The following DOCK10 variants were observed in gnomAD, a reference collection of about 807,000 sequenced individuals.
DOCK10 encodes the protein dedicator of cytokinesis protein 10.
In DOCK10, 145 loss-of-function variants were observed where a neutral mutation model predicts 280.1. That is an observed-to-expected ratio of 0.52 (90% CI 0.45 to 0.59). The LOEUF (loss-of-function observed/expected upper bound fraction) is 0.59, where lower values mean the gene tolerates loss of function less well. DOCK10 is among the 20% of genes least tolerant of loss of function. The pLI, the probability that DOCK10 is intolerant of heterozygous loss-of-function variation, is 0.00. For missense variants in DOCK10, 2,368 were observed against 2,651.7 expected (o/e 0.89, Z 2.35); for synonymous variants, 915 against 942.2 (o/e 0.97, Z 0.53).
intron 55 of DOCK10, among the ~76,000 whole-genome samples, chr2:224,769,421 T>C (rs1190454808): frequency 6.6e-6 from 1 of 152,224 alleles, no homozygotes; most frequent in Non-Finnish European, 1.5e-5. Flanking sequence ...GTGGCTACCA[T>C]GTATGAAGCA....
intron 7 of DOCK10, among the ~76,000 whole-genome samples, chr2:224,881,109 C>T (rs1220835508): frequency 6.6e-6 from 1 of 152,076 alleles, no homozygotes; most frequent in African/African-American, 2.4e-5. Flanking sequence ...ACATATGTAA[C>T]ATATATATAC....
intron 6 of DOCK10, 39 bp from the exon 7 acceptor site, chr2:224,885,844 TAATGTGCTATTACTCATAGAAATTAG>T (rs779203183): frequency 1.9e-6 from 3 of 1,600,078 alleles, no homozygotes. Flanking sequence ...ATTCAAATTG[TAATGTGCTATTACTCATAGAAATTAG>T]AATTATTCTA....
At chr2:224,789,275 C>T in intron 47 of DOCK10, 105 bp from the exon 48 acceptor site, 1 of 679,092 alleles carries the variant, frequency 1.5e-6, no homozygotes, top group Non-Finnish European at 2.6e-6. Context: ...TATTACAAAG[C>T]TCACACAATC....
At chr2:224,966,628 C>T (rs886440376) in intron 1 of DOCK10, among the ~76,000 whole-genome samples, 1 of 152,190 alleles carries the variant, frequency 6.6e-6, no homozygotes, top group Non-Finnish European at 1.5e-5. Flanking sequence ...AAACTGATCA[C>T]ACAGCCTTTA....
intron 1 of DOCK10, among the ~76,000 whole-genome samples, chr2:225,007,510 C>T (rs544437381): frequency 6.6e-6 from 1 of 152,176 alleles, no homozygotes; most frequent in East Asian, 1.9e-4. Flanking sequence ...TCCTGATTTA[C>T]ATAAAAGTTA....
chr2:224,954,733 A>G (rs183371332), intron 1 of DOCK10, among the ~76,000 whole-genome samples: 1 of 152,376 alleles, frequency 6.6e-6, no homozygotes, highest in Admixed American at 6.5e-5. Flanking sequence ...CTGGATTGAT[A>G]CTGCTCTTTA....
Position 224,879,270 on chromosome 2 carries a change from G to A in DOCK10, c.748-3049C>T, listed in dbSNP as rs532094356. 3.9e-5 allele frequency among the ~76,000 whole-genome samples: 6 copies of A among 152,250 alleles called. No individual in the cohort carries two copies. In the South Asian group the frequency reaches 1.2e-3, roughly 32 times the overall value. Reference sequence around the variant, plus strand: ...ACGCCCCACTCTCCCCAGGAGGACTGGGGTAGATGTCCTCCACGTGTCCTC... The same window carrying A: ...ACGCCCCACTCTCCCCAGGAGGACTAGGGTAGATGTCCTCCACGTGTCCTC... On this transcript the variant is annotated intron_variant, in intron 7 of 55. Transcript: ENST00000258390.
At chr2:224,819,361 A>C in intron 29 of DOCK10, 85 bp downstream of exon 29, 1 of 855,262 alleles carries the variant, frequency 1.2e-6, no homozygotes, top group South Asian at 1.9e-5. Context: ...CAGAGAATGG[A>C]CTTAAGCAGG....
intron 3 of DOCK10, among the ~76,000 whole-genome samples, chr2:224,914,217 A>G (rs745380258): frequency 1.3e-4 from 20 of 152,322 alleles, no homozygotes; most frequent in Middle Eastern, 6.8e-3. Context: ...CTTAAATAAT[A>G]CTATGCACTT....
chr2:224,852,950 C>T lies in DOCK10; in HGVS notation c.2061G>A (p.Gln687=). The T allele has an allele frequency of 1.9e-6, 3 of 1,595,572 alleles. No individual in the cohort carries two copies. The highest frequency in any genetic ancestry group is 2.6e-6 in the Non-Finnish European group (3 of 1,168,714). Residue 687 remains glutamine (Q), a synonymous_variant, in exon 17 of 56, where the codon CAG becomes CAA. Transcript: ENST00000258390. ...IYPKHLKYDS[Q]KCFNKARNIT... ...TATATCATACCTTGTTGAAGCATTT[C>T]TGGCTATCATACTTGAGGTGTTTGG...
At chr2:224,988,075 C>A (rs980338268) in intron 1 of DOCK10, among the ~76,000 whole-genome samples, 1 of 152,138 alleles carries the variant, frequency 6.6e-6, no homozygotes, top group Non-Finnish European at 1.5e-5. Context: ...AGTGAACAAG[C>A]GTGATGCTGC....
intron 1 of DOCK10, among the ~76,000 whole-genome samples, chr2:225,004,777 G>A (rs1190610832): frequency 6.6e-6 from 1 of 152,206 alleles, no homozygotes; most frequent in East Asian, 1.9e-4. Flanking sequence ...TCTCCCAGCA[G>A]CTTCCTGCTT....
At chr2:224,979,786 CACTT>C (rs543139136) in intron 1 of DOCK10, among the ~76,000 whole-genome samples, 10 of 152,174 alleles carry the variant, frequency 6.6e-5, no homozygotes, top group African/African-American at 9.7e-5. Flanking sequence ...AAGCACTTAA[CACTT>C]ACTTTATCAA....
chr2:224,957,291 C>A (rs185507930), intron 1 of DOCK10, among the ~76,000 whole-genome samples: 2 of 146,100 alleles, frequency 1.4e-5, no homozygotes, highest in South Asian at 2.1e-4. Context: ...TTCCGCCCCC[C>A]CCCGGCTTTG....
chr2:224,960,026 G>C (rs185454985), intron 1 of DOCK10, among the ~76,000 whole-genome samples: 1 of 152,104 alleles, frequency 6.6e-6, no homozygotes, highest in Non-Finnish European at 1.5e-5. Flanking sequence ...ACCTTCCAGA[G>C]CACATCAAAC....
intron 14 of DOCK10, chr2:224,862,435 C>A (rs954397064): frequency 7.2e-6 from 3 of 414,044 alleles, no homozygotes; most frequent in South Asian, 4.3e-5. Context: ...TCTGGTCATG[C>A]ATGCAGGGTA....
Position 224,793,402 on chromosome 2 carries a change from T to C in DOCK10, c.5210A>G (p.Lys1737Arg), listed in dbSNP as rs752499465. 3.1e-6 allele frequency: 5 copies of C among 1,612,956 alleles called. No homozygotes were observed. Among genetic ancestry groups the C allele is most frequent in the Non-Finnish European group, 4.2e-6 (5 of 1,179,380 alleles). ...AALIAEYLKR[K>R]GYWKVEKICT... ...CCTCCCTCATGTGGTCATCTTACCC[T>C]TTCTTTTCAGATACTCTGCAATGAG... The change falls in exon 46 of 56, where the codon AAG (lysine) becomes AGG (arginine). Residue 1737 changes from lysine (K) to arginine (R), a missense_variant and splice_region_variant. This residue lies in a region of DOCK10 where 1,159 missense variants were observed against 1,400.8 expected (regional missense o/e 0.83). Coordinates refer to ENST00000258390, the MANE Select transcript of DOCK10 (RefSeq NM_014689.3).
intron 22 of DOCK10, among the ~76,000 whole-genome samples, chr2:224,844,480 C>A (rs760078129): frequency 3.9e-5 from 6 of 152,156 alleles, no homozygotes; most frequent in Non-Finnish European, 8.8e-5. Context: ...TCAGTGGAAG[C>A]AAACCATACT....
At chr2:225,039,504 A>G (rs1172818409) in intron 1 of DOCK10, among the ~76,000 whole-genome samples, 3 of 149,930 alleles carry the variant, frequency 2.0e-5, no homozygotes, top group East Asian at 3.8e-4. Flanking sequence ...AGGAGTCTGC[A>G]AGTACATAAG....
Sources: allele counts gnomAD v4.1 joint callset (sites outside exome capture counted in the v4.1 genomes callset), GRCh38; gene constraint gnomAD v4.1.1; regional missense constraint gnomAD v4.1.1; transcripts MANE v1.5; gene names NCBI Gene and HGNC (gene_info 2026-07-23, HGNC 2026-07-21).